The following HS3ST4 variants were observed in gnomAD, a reference collection of about 807,000 sequenced individuals.
HS3ST4 encodes the protein heparan sulfate-glucosamine 3-sulfotransferase 4.
A neutral mutation model predicts 29.2 loss-of-function variants in HS3ST4; 17 were observed. That is an observed-to-expected ratio of 0.58 (90% CI 0.40 to 0.87). The LOEUF (loss-of-function observed/expected upper bound fraction) is 0.87, where lower values mean the gene tolerates loss of function less well. Among genes scored for constraint, HS3ST4 ranks in the 40% least tolerant of loss-of-function variants. HS3ST4 has a pLI of 0.00. For missense variants in HS3ST4, 627 were observed against 634.5 expected, an observed-to-expected ratio of 0.99 and a Z score of 0.13; for synonymous variants, 314 against 285.7, an observed-to-expected ratio of 1.10 and a Z score of -1.00.
chr16:25,908,769 G>A (rs1367386608), intron 1 of HS3ST4, among the ~76,000 whole-genome samples: 2 of 152,228 alleles, frequency 1.3e-5, no homozygotes, highest in African/African-American at 2.4e-5. Context: ...AGAAGCTGCA[G>A]GTGAGGTAGC....
chr16:25,770,899 G>T (rs889604019), intron 1 of HS3ST4, among the ~76,000 whole-genome samples: 1 of 152,134 alleles, frequency 6.6e-6, no homozygotes, highest in African/African-American at 2.4e-5. Flanking sequence ...TGCGCTAAGT[G>T]TTTTATACAC....
At chr16:25,987,058 G>A (rs901241164) in intron 1 of HS3ST4, among the ~76,000 whole-genome samples, 9 of 152,322 alleles carry the variant, frequency 5.9e-5, no homozygotes, top group Middle Eastern at 3.4e-3. Context: ...GCCCATTAAA[G>A]CAATACTGCT....
At chr16:25,995,922 A>G (rs1441757833) in intron 1 of HS3ST4, among the ~76,000 whole-genome samples, 1 of 151,978 alleles carries the variant, frequency 6.6e-6, no homozygotes, top group Non-Finnish European at 1.5e-5. Context: ...AAACTCTACC[A>G]GGGCTGTGTA....
At chr16:26,060,467 C>T (rs1216486433) in intron 1 of HS3ST4, among the ~76,000 whole-genome samples, 1 of 152,192 alleles carries the variant, frequency 6.6e-6, no homozygotes, top group African/African-American at 2.4e-5. Context: ...CTTCCTGCTT[C>T]CTGCTCTCCA....
At chr16:26,049,468 C>CTG (rs1474373842) in intron 1 of HS3ST4, among the ~76,000 whole-genome samples, 1 of 123,808 alleles carries the variant, frequency 8.1e-6, no homozygotes, top group African/African-American at 4.6e-5. Flanking sequence ...GAATGCGTGC[C>CTG]TCTGTGTGTG....
At chr16:25,775,578 C>A (rs75773983) in intron 1 of HS3ST4, among the ~76,000 whole-genome samples, 2 of 152,216 alleles carry the variant, frequency 1.3e-5, no homozygotes, top group Admixed American at 1.3e-4. Context: ...CCACCACATG[C>A]ACCTCGTAAT....
chr16:25,931,328 C>T (rs1298550384), intron 1 of HS3ST4, among the ~76,000 whole-genome samples: 1 of 152,188 alleles, frequency 6.6e-6, no homozygotes, highest in Admixed American at 6.5e-5. Context: ...GCTTCCCCTC[C>T]CTACAGAAAA....
chr16:26,123,308 C>G (rs1024984176), intron 1 of HS3ST4, among the ~76,000 whole-genome samples: 1 of 152,124 alleles, frequency 6.6e-6, no homozygotes, highest in African/African-American at 2.4e-5. Context: ...AAGTATGGTT[C>G]AGAGATAGAA....
chr16:26,087,836 T>G (rs1030789176), intron 1 of HS3ST4, among the ~76,000 whole-genome samples: 2 of 152,150 alleles, frequency 1.3e-5, no homozygotes, highest in East Asian at 1.9e-4. Flanking sequence ...TATTTTAGAA[T>G]TTTGGATTAA....
intron 1 of HS3ST4, among the ~76,000 whole-genome samples, chr16:25,742,638 A>G (rs1323225104): frequency 6.6e-6 from 1 of 152,220 alleles, no homozygotes; most frequent in African/African-American, 2.4e-5. Context: ...ACTCTTCTGG[A>G]TCAGTCAGCC....
At chr16:26,115,339 G>A (rs1158910348) in intron 1 of HS3ST4, among the ~76,000 whole-genome samples, 1 of 151,006 alleles carries the variant, frequency 6.6e-6, no homozygotes, top group Admixed American at 6.6e-5. Context: ...TGAGAGAGTA[G>A]GTTTTTCCTT....
At chr16:25,933,542 C>G (rs1308178808) in intron 1 of HS3ST4, among the ~76,000 whole-genome samples, 1 of 152,160 alleles carries the variant, frequency 6.6e-6, no homozygotes, top group Non-Finnish European at 1.5e-5. Flanking sequence ...GCAGTTGTCA[C>G]ATTTTATCTG....
chr16:26,103,533 C>T (rs1280687864), intron 1 of HS3ST4, among the ~76,000 whole-genome samples: 1 of 152,152 alleles, frequency 6.6e-6, no homozygotes, highest in Non-Finnish European at 1.5e-5. Flanking sequence ...TTAGGAAGTA[C>T]TTGTCCACCC....
rs545357692 is a variant in HS3ST4, at chr16:25,747,436, G to A, written c.734+54285G>A. 6.9e-4 allele frequency among the ~76,000 whole-genome samples: 105 copies of A among 152,352 alleles called. 1 individual carries two copies. Among genetic ancestry groups the A allele is most frequent in the Non-Finnish European group, 1.1e-3 (78 of 68,028 alleles). On this transcript the variant is annotated intron_variant, in intron 1 of 1. Transcript: ENST00000331351. ...CAGCCCTTTGGTTTGTCTCCATGCA[G>A]GGCATGTGGCAGTCCAGAACTCGCA...
At chr16:25,883,282 C>CT (rs940904261) in intron 1 of HS3ST4, among the ~76,000 whole-genome samples, 5 of 151,768 alleles carry the variant, frequency 3.3e-5, no homozygotes, top group African/African-American at 1.2e-4. Context: ...CTCAAAAAGC[C>CT]TTTTGCTCAA....
intron 1 of HS3ST4, among the ~76,000 whole-genome samples, chr16:25,814,519 C>CTA: frequency 6.6e-6 from 1 of 152,068 alleles, no homozygotes; most frequent in Middle Eastern, 3.4e-3. Flanking sequence ...GCTAATTTTT[C>CTA]TATCTTTAGT....
chr16:26,086,898 T>C (rs1898796164), intron 1 of HS3ST4, among the ~76,000 whole-genome samples: 2 of 152,238 alleles, frequency 1.3e-5, no homozygotes, highest in South Asian at 4.1e-4. Context: ...CTGAAATGCA[T>C]CTGCATTTAT....
At chr16:25,999,122 A>G (rs1969182297) in intron 1 of HS3ST4, among the ~76,000 whole-genome samples, 1 of 152,170 alleles carries the variant, frequency 6.6e-6, no homozygotes, top group South Asian at 2.1e-4. Context: ...CTAGAGTTTT[A>G]TATTAATTTA....
intron 1 of HS3ST4, among the ~76,000 whole-genome samples, chr16:26,106,678 CT>C (rs1451322195): frequency 1.1e-4 from 16 of 152,202 alleles, no homozygotes; most frequent in Admixed American, 1.0e-3. Flanking sequence ...CAGTGACCTG[CT>C]CCAAAACTCA....
Sources: allele counts gnomAD v4.1 joint callset (sites outside exome capture counted in the v4.1 genomes callset), GRCh38; gene constraint gnomAD v4.1.1; transcripts MANE v1.5; gene names NCBI Gene and HGNC (gene_info 2026-07-23, HGNC 2026-07-21).